EVL: variants seen among roughly 807,000 people sequenced by gnomAD.
EVL encodes Enah/Vasp-like.
In EVL, 21 loss-of-function variants were observed where a neutral mutation model predicts 59.6. That is an observed-to-expected ratio of 0.35 (90% CI 0.25 to 0.51). The LOEUF is 0.51. Ranked by LOEUF, EVL falls within the 20% of genes least tolerant of loss-of-function variation. The pLI, the probability that EVL is intolerant of heterozygous loss-of-function variation, is 0.97. For missense variants in EVL, 462 were observed against 546.6 expected (o/e 0.85, Z 1.54); for synonymous variants, 198 against 203.5 (o/e 0.97, Z 0.23).
At chr14:100,126,341 T>TAA (rs1247213133) in intron 4 of EVL, among the ~76,000 whole-genome samples, 2 of 152,218 alleles carry the variant, frequency 1.3e-5, no homozygotes, top group African/African-American at 4.8e-5. Flanking sequence ...CCAGGTCCAC[T>TAA]AAGAACAGGC....
chr14:99,995,623 G>T (rs1373788290), intron 1 of EVL, among the ~76,000 whole-genome samples: 1 of 151,988 alleles, frequency 6.6e-6, no homozygotes, highest in Non-Finnish European at 1.5e-5. Context: ...TTAACTTGTG[G>T]TTTTGATTGG....
intron 1 of EVL, among the ~76,000 whole-genome samples, chr14:100,058,698 G>A (rs1252966506): frequency 6.6e-6 from 1 of 151,970 alleles, no homozygotes; most frequent in East Asian, 1.9e-4. Context: ...TCAAAGTAGA[G>A]ACCTGAATGC....
At chr14:100,056,909 G>C (rs1184371912) in intron 1 of EVL, among the ~76,000 whole-genome samples, 1 of 131,852 alleles carries the variant, frequency 7.6e-6, no homozygotes, top group Non-Finnish European at 1.6e-5. Context: ...GATTATAAAA[G>C]ATGAATAAAA....
intron 1 of EVL, among the ~76,000 whole-genome samples, chr14:100,083,587 T>G (rs2062362360): frequency 6.6e-6 from 1 of 152,194 alleles, no homozygotes; most frequent in East Asian, 1.9e-4. Context: ...GGCAGGAGTT[T>G]TAGTGTATTA....
At chr14:100,054,913 G>A (rs188783350) in intron 1 of EVL, among the ~76,000 whole-genome samples, 61 of 152,076 alleles carry the variant, frequency 4.0e-4, no homozygotes, top group African/African-American at 1.4e-3. Context: ...CCACTAATCT[G>A]TGTCCTGGCC....
At chr14:100,025,416 G>C (rs2061193651) in intron 1 of EVL, among the ~76,000 whole-genome samples, 1 of 152,164 alleles carries the variant, frequency 6.6e-6, no homozygotes, top group African/African-American at 2.4e-5. Context: ...TGGCCACGTG[G>C]CTTATGCCCT....
intron 3 of EVL, among the ~76,000 whole-genome samples, chr14:100,099,901 A>G (rs922181884): frequency 1.4e-5 from 2 of 139,870 alleles, no homozygotes; most frequent in African/African-American, 2.7e-5. Flanking sequence ...ACATGCAGAT[A>G]CTTGTAGTTT....
At position 100,092,340 on chromosome 14, in the gene EVL, A is replaced by G. The variant is rs80315088; in HGVS notation, c.181-5141A>G. Among the ~76,000 whole-genome samples the G allele has an allele frequency of 9.5e-3, 1,443 of 152,342 alleles. 18 individuals are homozygous for G. Among genetic ancestry groups the G allele is most frequent in the African/African-American group, 0.033 (1,355 of 41,570 alleles). On this transcript the variant is annotated intron_variant, in intron 2 of 13. Coordinates refer to ENST00000392920, the MANE Select transcript of EVL (RefSeq NM_016337.3). Reference sequence around the variant, plus strand: ...AAAATATATGTATGAAAATGTTCATAACAGTTGTATTCATATCAGCCAAGA... The same window carrying G: ...AAAATATATGTATGAAAATGTTCATGACAGTTGTATTCATATCAGCCAAGA...
chr14:99,994,355 CTT>C (rs992832500), intron 1 of EVL, among the ~76,000 whole-genome samples: 4 of 151,684 alleles, frequency 2.6e-5, no homozygotes, highest in Non-Finnish European at 5.9e-5. Context: ...CATTTCTTCT[CTT>C]GTTGCTGCTT....
At chr14:100,033,290 G>A (rs1329800710) in intron 1 of EVL, among the ~76,000 whole-genome samples, 1 of 152,222 alleles carries the variant, frequency 6.6e-6, no homozygotes, top group Non-Finnish European at 1.5e-5. Flanking sequence ...ACTTTCAAAT[G>A]TGCCTGCTGT....
chr14:100,136,876 A>T (rs1232006927), intron 9 of EVL, among the ~76,000 whole-genome samples: 1 of 152,084 alleles, frequency 6.6e-6, no homozygotes, highest in Non-Finnish European at 1.5e-5. Flanking sequence ...AAGGCCACAC[A>T]CCTGGGACAT....
At position 100,102,266 on chromosome 14, in the gene EVL, C is replaced by G. The variant is rs1420465400; in HGVS notation, c.358+4608C>G. ...AGCATAGAGGAACACAGCCTCCTTG[C>G]ACCTTTTGCTATATCTGCATAATTT... On this transcript the variant is annotated intron_variant, in intron 3 of 13. Coordinates refer to ENST00000392920, the MANE Select transcript of EVL (RefSeq NM_016337.3). 4 of 455,922 alleles carry G rather than the reference C, an allele frequency of 8.8e-6. No individual in the cohort carries two copies. In the Admixed American group the frequency reaches 9.4e-5, roughly 11 times the overall value. The allele number at this position is 455,922 out of a possible 1,614,324, so 28.2% of individuals were successfully genotyped here.
intron 1 of EVL, among the ~76,000 whole-genome samples, chr14:100,082,692 A>G (rs1321711786): frequency 1.3e-5 from 2 of 152,236 alleles, no homozygotes; most frequent in Non-Finnish European, 2.9e-5. Flanking sequence ...GTGAGCATTT[A>G]TTAGGCACCT....
At chr14:100,142,944 G>T (rs1889280155) in intron 13 of EVL, among the ~76,000 whole-genome samples, 1 of 151,678 alleles carries the variant, frequency 6.6e-6, no homozygotes, top group South Asian at 2.1e-4. Flanking sequence ...CCGGGGGTAG[G>T]CATGGGCCAT....
Position 100,074,475 on chromosome 14 carries a change from C to A in EVL, c.11+8964C>A, listed in dbSNP as rs972730099. On this transcript the variant is annotated intron_variant, in intron 1 of 13. Coordinates refer to ENST00000392920, the MANE Select transcript of EVL (RefSeq NM_016337.3). ...TCTCCAGCAAAGGTAAAAGAAAATGCAAAAAGATGATTCTACTTGTTTTAC... is the reference window on the plus strand; with the variant it reads ...TCTCCAGCAAAGGTAAAAGAAAATGAAAAAAGATGATTCTACTTGTTTTAC... 3 of 152,162 alleles carry A rather than the reference C, an allele frequency of 2.0e-5. No homozygotes were observed. The East Asian group carries it at 5.8e-4, about 29-fold the overall frequency. 9.4% of individuals were successfully genotyped at this position (152,162 alleles called of 1,614,324 possible). A position where few individuals can be genotyped will look rare whatever the true frequency, so the allele number is the denominator to read the frequency against.
At chr14:99,982,721 C>G (rs1291097908) in intron 1 of EVL, among the ~76,000 whole-genome samples, 3 of 152,176 alleles carry the variant, frequency 2.0e-5, no homozygotes, top group Non-Finnish European at 4.4e-5. Context: ...TGAAAGACAT[C>G]TACTCTTCAG....
intron 1 of EVL, among the ~76,000 whole-genome samples, chr14:100,080,523 T>G (rs1167872279): frequency 6.6e-6 from 1 of 152,198 alleles, no homozygotes; most frequent in African/African-American, 2.4e-5. Context: ...TCACATGGTC[T>G]TTCTCCTATA....
At position 99,983,734 on chromosome 14, in the gene EVL, G is replaced by A. The variant is rs894597999; in HGVS notation, c.5+11677G>A. ...TGCTAAATCATGCAAGTTGATCTCA[G>A]TCTAGCTGCTTCCTTTTCCTCTTTA... On this transcript the variant is annotated intron_variant, in intron 1 of 13. Transcript: ENST00000402714. Among the ~76,000 whole-genome samples, 4 of 152,160 alleles carry A rather than the reference G, an allele frequency of 2.6e-5. No homozygotes were observed. In the South Asian group the frequency reaches 8.3e-4, roughly 32 times the overall value.
chr14:100,124,670 T>C (rs534148272), intron 4 of EVL, among the ~76,000 whole-genome samples: 2 of 152,178 alleles, frequency 1.3e-5, no homozygotes, highest in South Asian at 2.1e-4. Context: ...CCAAGGCTGG[T>C]CCCACCCACA....
Sources: allele counts gnomAD v4.1 joint callset (sites outside exome capture counted in the v4.1 genomes callset), GRCh38; gene constraint gnomAD v4.1.1; transcripts MANE v1.5; gene names NCBI Gene and HGNC (gene_info 2026-07-23, HGNC 2026-07-21).